The following ACAP2 variants were observed in gnomAD, a reference collection of about 807,000 sequenced individuals.
The protein encoded by ACAP2 is arf-GAP with coiled-coil, ANK repeat and PH domain-containing protein 2.
ACAP2 carries 39 observed loss-of-function variants against 115.8 expected under a neutral mutation model. The observed-to-expected ratio is 0.34, with a 90% CI of 0.26 to 0.44. The LOEUF (loss-of-function observed/expected upper bound fraction) is 0.44. Among genes scored for constraint, ACAP2 ranks in the 20% least tolerant of loss-of-function variants. ACAP2 has a pLI of 1.00. For missense variants in ACAP2, 662 were observed against 927.6 expected (o/e 0.71, Z 3.72); for synonymous variants, 289 against 315.8 (o/e 0.92, Z 0.90).
chr3:195,368,610 G>A (rs554991026), intron 4 of ACAP2, among the ~76,000 whole-genome samples: 14 of 152,026 alleles, frequency 9.2e-5, no homozygotes, highest in East Asian at 5.8e-4. Flanking sequence ...ATTACATATC[G>A]TTGTTTCCAT....
At chr3:195,368,469 A>G (rs910210800) in intron 4 of ACAP2, among the ~76,000 whole-genome samples, 1 of 152,114 alleles carries the variant, frequency 6.6e-6, no homozygotes, top group African/African-American at 2.4e-5. Context: ...TGAATGTAGT[A>G]ATTACTACTT....
At chr3:195,290,277 G>A (rs942461871) in intron 20 of ACAP2, among the ~76,000 whole-genome samples, 1 of 152,116 alleles carries the variant, frequency 6.6e-6, no homozygotes, top group Non-Finnish European at 1.5e-5. Context: ...GCTGAGGCAT[G>A]AAGATCCTGA....
intron 4 of ACAP2, among the ~76,000 whole-genome samples, chr3:195,355,238 C>A (rs1731876080): frequency 6.6e-6 from 1 of 151,126 alleles, no homozygotes; most frequent in African/African-American, 2.4e-5. Context: ...CTTGCCAATT[C>A]TCAAGCCACA....
chr3:195,419,832 G>T (rs1252158325), intron 1 of ACAP2, among the ~76,000 whole-genome samples: 1 of 151,960 alleles, frequency 6.6e-6, no homozygotes, highest in Non-Finnish European at 1.5e-5. Flanking sequence ...ATTCTCTAAA[G>T]TCTTACATAC....
In ACAP2 at chr3:195,302,047, C is replaced by T; in HGVS notation, c.1244G>A (p.Cys415Tyr). 6.2e-7 allele frequency: 1 copy of T among 1,614,144 alleles called. No homozygotes were observed. Residue 415 changes from cysteine to tyrosine, a missense_variant, in exon 14 of 23, where the codon TGT becomes TAT. By Grantham distance (194) the Cys-to-Tyr change is radical. Around this residue, in one of 3 missense-constraint regions of ACAP2, gnomAD observed 401 missense variants for 604.4 expected, o/e 0.66. Transcript: ENST00000326793. ...CCGTGGATCTGCCAGGCCACAGTCA[C>T]AACAGCTGGCATTGCCAGGGATACA... is the stretch of plus-strand genomic sequence containing the variant. The part of the protein sequence containing the change: ...VQCIPGNASC[C>Y]DCGLADPRWA...
At chr3:195,351,696 T>C (rs11718218) in intron 4 of ACAP2, among the ~76,000 whole-genome samples, 125,874 of 151,464 alleles carry the variant, frequency 0.83, 52,453 homozygotes, top group East Asian at 0.95. Context: ...GATCTCCTGA[T>C]CCGTGATCCG....
chr3:195,313,685 A>G lies in ACAP2; in HGVS notation c.858-4848T>C, dbSNP rs186365274. On this transcript the variant is annotated intron_variant, in intron 10 of 22. Transcript: ENST00000326793. ...TTTAAAATCCTGTGTAGTACCTTCT[A>G]TGCTCTTAGCTGTATTTTCTATTTC... Among the ~76,000 whole-genome samples, 194 of 152,320 alleles carry G rather than the reference A, an allele frequency of 1.3e-3. 1 individual carries two copies. Among genetic ancestry groups the G allele is most frequent in the African/African-American group, 4.5e-3 (188 of 41,572 alleles).
At chr3:195,413,867 C>G (rs1713492054) in intron 1 of ACAP2, among the ~76,000 whole-genome samples, 1 of 151,850 alleles carries the variant, frequency 6.6e-6, no homozygotes, top group Non-Finnish European at 1.5e-5. Flanking sequence ...CCCAGCTACT[C>G]TGGAAGCTGA....
intron 2 of ACAP2, among the ~76,000 whole-genome samples, chr3:195,387,909 G>C (rs1000982376): frequency 1.6e-4 from 25 of 152,162 alleles, no homozygotes; most frequent in African/African-American, 5.8e-4. Flanking sequence ...ATAATCCTAT[G>C]AAATAGACAC....
chr3:195,311,138 C>A (rs1214447037), intron 10 of ACAP2, among the ~76,000 whole-genome samples: 1 of 149,130 alleles, frequency 6.7e-6, no homozygotes. Flanking sequence ...ACTCTGTCAC[C>A]CAAGCTGGAG....
chr3:195,388,749 T>C (rs1035003895), intron 2 of ACAP2, among the ~76,000 whole-genome samples: 12 of 152,312 alleles, frequency 7.9e-5, no homozygotes, highest in Admixed American at 2.0e-4. Context: ...GAGCTGGGCA[T>C]GGGGGCTCAC....
At position 195,301,493 on chromosome 3, in the gene ACAP2, T is replaced by A. The variant is rs529689816; in HGVS notation, c.1395+82A>T. The A allele has an allele frequency of 4.3e-5, 47 of 1,083,062 alleles. No individual in the cohort carries two copies. The South Asian group carries it at 6.1e-4, about 14-fold the overall frequency. 67.1% of individuals were successfully genotyped at this position (1,083,062 alleles called of 1,614,324 possible). A position where few individuals can be genotyped will look rare whatever the true frequency, so the allele number is the denominator to read the frequency against. On this transcript the variant is annotated intron_variant, in intron 15 of 22. Coordinates refer to ENST00000326793, the MANE Select transcript of ACAP2 (RefSeq NM_012287.6). ...AGCATACATTGGTAGCATGAAGAAC[T>A]CACACATTTGTAAACCAAGATTCTA...
chr3:195,428,904 G>A (rs552013969), intron 1 of ACAP2, among the ~76,000 whole-genome samples: 1 of 152,224 alleles, frequency 6.6e-6, no homozygotes, highest in African/African-American at 2.4e-5. Context: ...TTTACCCCTT[G>A]ACACAGCAAT....
chr3:195,364,974 A>C (rs1019666631), intron 4 of ACAP2, among the ~76,000 whole-genome samples: 1 of 152,258 alleles, frequency 6.6e-6, no homozygotes, highest in Non-Finnish European at 1.5e-5. Context: ...TGTCATCTGC[A>C]ACAACATGGA....
chr3:195,377,138 C>CTTTTTTTTGT (rs1733603074), intron 4 of ACAP2, among the ~76,000 whole-genome samples: 1 of 77,082 alleles, frequency 1.3e-5, no homozygotes, highest in African/African-American at 5.3e-5. Flanking sequence ...GAATGTAAAT[C>CTTTTTTTTGT]TTTTTTTTTT....
At chr3:195,388,718 T>G (rs989191107) in intron 2 of ACAP2, among the ~76,000 whole-genome samples, 5 of 152,188 alleles carry the variant, frequency 3.3e-5, no homozygotes, top group African/African-American at 4.8e-5. Context: ...ATAAAAATAA[T>G]AGTTAATAGA....
chr3:195,406,332 T>C (rs761540233), intron 1 of ACAP2, among the ~76,000 whole-genome samples: 1 of 152,208 alleles, frequency 6.6e-6, no homozygotes, highest in Non-Finnish European at 1.5e-5. Flanking sequence ...ACTTCAGTCA[T>C]GTGTACTCAG....
rs201667102 is a variant in ACAP2 at position 195,382,042 on chromosome 3, T to A, written c.112-20A>T. 28 of 1,595,232 alleles carry A rather than the reference T, an allele frequency of 1.8e-5. No individual in the cohort carries two copies. In the South Asian group the frequency reaches 2.2e-4, roughly 12 times the overall value. Reference sequence around the variant, plus strand: ...CACAAGCTGAAAAAGAAAAAAAAAATTCATCAGGTTGAAGATAGTTTTACA... The same window carrying A: ...CACAAGCTGAAAAAGAAAAAAAAAAATCATCAGGTTGAAGATAGTTTTACA... On this transcript the variant is annotated intron_variant, in intron 2 of 22. Transcript: ENST00000326793.
rs770940146 is a variant in ACAP2, at chr3:195,285,809, A to C, written c.2223T>G (p.Leu741=). Residue 741 remains leucine, a synonymous_variant, in exon 22 of 23, where the codon CTT becomes CTG. Coordinates refer to ENST00000326793, the MANE Select transcript of ACAP2 (RefSeq NM_012287.6). ...MNEEMRESEG[L]YGQPGDETYQ... ...TAGAATATTGACCTGGCTGTCCATA[A>C]AGTCCTTCTGATTCCCGCATCTCTT... 1 of 1,612,266 alleles carries C rather than the reference A, an allele frequency of 6.2e-7. No individual in the cohort carries two copies. The highest frequency in any genetic ancestry group is 1.1e-5 in the South Asian group (1 of 90,756).
Sources: gnomAD v4.1 joint callset for allele counts (sites outside exome capture counted in the v4.1 genomes callset) on GRCh38, gnomAD v4.1.1 for gene constraint, gnomAD v4.1.1 regional missense constraint, MANE v1.5 for transcripts, NCBI Gene and HGNC (gene_info 2026-07-23, HGNC 2026-07-21) for gene names.